TNFAIP8: variants seen among roughly 807,000 people sequenced by gnomAD.
The protein encoded by TNFAIP8 is tumor necrosis factor alpha-induced protein 8.
In TNFAIP8, 7 loss-of-function variants were observed where a neutral mutation model predicts 13.3. The ratio of observed to expected loss-of-function variants is 0.52; its 90% confidence interval spans 0.30 to 0.99. The LOEUF (loss-of-function observed/expected upper bound fraction) is 0.99. Among genes scored for constraint, TNFAIP8 ranks in the 50% least tolerant of loss-of-function variants. TNFAIP8 has a pLI of 0.07. For missense variants in TNFAIP8, 258 were observed against 236.9 expected (o/e 1.09, Z -0.58); for synonymous variants, 94 against 87.6 (o/e 1.07, Z -0.41).
chr5:119,364,958 TCC>T (rs1751787995), intron 1 of TNFAIP8, among the ~76,000 whole-genome samples: 1 of 148,940 alleles, frequency 6.7e-6, no homozygotes, highest in Non-Finnish European at 1.5e-5. Context: ...TTCAACTGAT[TCC>T]CCTGCCTCAG....
chr5:119,286,963 G>C (rs918038594), intron 1 of TNFAIP8, among the ~76,000 whole-genome samples: 2 of 152,098 alleles, frequency 1.3e-5, no homozygotes, highest in East Asian at 1.9e-4. Context: ...GTCTCCTTTG[G>C]TTCCCATTTC....
rs184834057 is a variant in TNFAIP8 at position 119,339,297 on chromosome 5, T to G, written c.2-53519T>G. Among the ~76,000 whole-genome samples, 810 of 152,216 alleles carry G rather than the reference T, an allele frequency of 5.3e-3. 6 individuals carry two copies. Among genetic ancestry groups the G allele is most frequent in the East Asian group, 0.037 (191 of 5,182 alleles). On this transcript the variant is annotated intron_variant, in intron 1 of 1. Coordinates refer to the TNFAIP8 transcript ENST00000274456. ...TGGCTATGGCATCTGCTGTGATGATTGGCTTAGGCTTGGGTTGCCTAAACT... is the reference window on the plus strand; with the variant it reads ...TGGCTATGGCATCTGCTGTGATGATGGGCTTAGGCTTGGGTTGCCTAAACT...
intron 1 of TNFAIP8, among the ~76,000 whole-genome samples, chr5:119,287,291 T>TTA (rs1748829068): frequency 7.0e-6 from 1 of 142,066 alleles, no homozygotes. Context: ...TTTTTTTTTT[T>TTA]TTTTTTTTTG....
chr5:119,360,654 C>CTCTTTAATACATGT (rs1197872963), intron 1 of TNFAIP8, among the ~76,000 whole-genome samples: 1 of 152,120 alleles, frequency 6.6e-6, no homozygotes, highest in African/African-American at 2.4e-5. Context: ...CCTTTCTATC[C>CTCTTTAATACATGT]TCTTTAATAC....
At chr5:119,278,249 T>C (rs1301634055) in intron 1 of TNFAIP8, among the ~76,000 whole-genome samples, 2 of 152,076 alleles carry the variant, frequency 1.3e-5, no homozygotes, top group African/African-American at 4.8e-5. Flanking sequence ...ATCCTTAGCA[T>C]GTTACATTTT....
At chr5:119,373,596 G>C (rs1356830694) in intron 1 of TNFAIP8, among the ~76,000 whole-genome samples, 1 of 152,226 alleles carries the variant, frequency 6.6e-6, no homozygotes, top group Non-Finnish European at 1.5e-5. Context: ...AGAGGTTTCA[G>C]AAGGGCTGTC....
At chr5:119,272,598 C>T (rs1297276493) in intron 1 of TNFAIP8, among the ~76,000 whole-genome samples, 1 of 152,160 alleles carries the variant, frequency 6.6e-6, no homozygotes, top group Admixed American at 6.5e-5. Context: ...AACCTGATTC[C>T]ATAGGATTTT....
chr5:119,325,944 C>T (rs545885401), intron 1 of TNFAIP8, among the ~76,000 whole-genome samples: 2 of 152,214 alleles, frequency 1.3e-5, no homozygotes, highest in African/African-American at 2.4e-5. Context: ...GAGTGGTCTC[C>T]GTCAGAACCT....
At chr5:119,362,791 C>CAA (rs759223485) in intron 1 of TNFAIP8, among the ~76,000 whole-genome samples, 7 of 130,406 alleles carry the variant, frequency 5.4e-5, no homozygotes, top group South Asian at 5.0e-4. Context: ...GATTCTGTCT[C>CAA]AAAAAAAAAA....
Position 119,394,611 on chromosome 5 carries a change from A to ATTTTTTTTTTTTTTTT in TNFAIP8, c.*1234_*1249dup, listed in dbSNP as rs397963876. On this transcript the variant is annotated 3_prime_UTR_variant, in exon 2 of 2. Transcript: ENST00000504771. ...CATTTCCATTGTCACTGTGTCTATG[A>ATTTTTTTTTTTTTTTT]TTTTTTTTTTTTTTTTTTTGAGTCT... is the stretch of plus-strand genomic sequence containing the variant. The ATTTTTTTTTTTTTTTT allele has an allele frequency of 2.0e-4, 23 of 114,706 alleles. No individual in the cohort carries two copies. The highest frequency in any genetic ancestry group is 7.7e-4 in the African/African-American group (19 of 24,754). The allele number at this position is 114,706 out of a possible 1,614,324, so 7.1% of individuals were successfully genotyped here. A position where few individuals can be genotyped will look rare whatever the true frequency, so the allele number is the denominator to read the frequency against.
intron 1 of TNFAIP8, among the ~76,000 whole-genome samples, chr5:119,375,737 T>G (rs1752253910): frequency 1.3e-5 from 2 of 152,192 alleles, no homozygotes; most frequent in African/African-American, 4.8e-5. Context: ...ATTTTAAATA[T>G]AATTTTAAGT....
chr5:119,392,773 T>C (rs777344633), intron 1 of TNFAIP8, 43 bp from the exon 2 acceptor site: 590 of 1,484,368 alleles, frequency 4.0e-4, no homozygotes, highest in Non-Finnish European at 4.9e-4. Context: ...CTTGCTGATA[T>C]TTACTAATTG....
At chr5:119,333,111 T>C in intron 1 of TNFAIP8, 1 of 859,888 alleles carries the variant, frequency 1.2e-6, no homozygotes. Flanking sequence ...TAGTTTTTTT[T>C]TTTTTCTAAG....
In TNFAIP8 at chr5:119,322,814, G is replaced by A. The variant is rs546452651; in HGVS notation, c.1+53907G>A. Among the ~76,000 whole-genome samples the A allele has an allele frequency of 9.7e-4, 147 of 152,180 alleles. 1 individual carries two copies. Among genetic ancestry groups the A allele is most frequent in the African/African-American group, 3.3e-3 (135 of 41,522 alleles). On this transcript the variant is annotated intron_variant, in intron 1 of 1. Transcript: ENST00000274456. ...TAGGGTTTCAGATTCTCTACATGCC[G>A]GTGCCTCCCAAACTTACATTCCAGG...
At chr5:119,332,888 T>C (rs1750428087) in intron 1 of TNFAIP8, among the ~76,000 whole-genome samples, 1 of 152,194 alleles carries the variant, frequency 6.6e-6, no homozygotes, top group Non-Finnish European at 1.5e-5. Context: ...CTTACATTCA[T>C]TATGAAAACC....
intron 1 of TNFAIP8, among the ~76,000 whole-genome samples, chr5:119,338,203 CA>C (rs1562006790): frequency 0.023 from 3,377 of 149,226 alleles, 151 homozygotes; most frequent in African/African-American, 0.083. Flanking sequence ...CACACACACA[CA>C]CACACACCTT....
chr5:119,271,154 A>AT (rs1748281879), intron 1 of TNFAIP8, among the ~76,000 whole-genome samples: 1 of 152,222 alleles, frequency 6.6e-6, no homozygotes, highest in Admixed American at 6.5e-5. Context: ...GGAACAGAGT[A>AT]TTTTATGAGG....
chr5:119,384,154 A>G (rs1485897188), intron 1 of TNFAIP8, among the ~76,000 whole-genome samples: 1 of 152,200 alleles, frequency 6.6e-6, no homozygotes, highest in African/African-American at 2.4e-5. Context: ...AATGAGTATA[A>G]TAATAACCTC....
In TNFAIP8 at chr5:119,345,114, T is replaced by C. The variant is rs77004727; in HGVS notation, c.2-47702T>C. On this transcript the variant is annotated intron_variant, in intron 1 of 1. Coordinates refer to the TNFAIP8 transcript ENST00000274456. ...TCCAAACAACTTAGTATTTCTGTAT[T>C]GATAACTTTGTAGTTGTACAAAATA... Among the ~76,000 whole-genome samples, 433 of 152,358 alleles carry C rather than the reference T, an allele frequency of 2.8e-3. 1 individual carries two copies. Among genetic ancestry groups the C allele is most frequent in the African/African-American group, 9.5e-3 (397 of 41,584 alleles).
Sources: allele counts gnomAD v4.1 joint callset (sites outside exome capture counted in the v4.1 genomes callset), GRCh38; gene constraint gnomAD v4.1.1; transcripts MANE v1.5; gene names NCBI Gene and HGNC (gene_info 2026-07-23, HGNC 2026-07-21).